The following EYS variants were observed in gnomAD, a reference collection of about 807,000 sequenced individuals.
EYS encodes protein eyes shut homolog.
EYS carries 250 observed loss-of-function variants against 282.1 expected under a neutral mutation model. The ratio of observed to expected loss-of-function variants is 0.89; its 90% CI spans 0.80 to 0.98. EYS has a LOEUF of 0.98. Ranked by LOEUF, EYS falls within the 50% of genes least tolerant of loss-of-function variation. EYS has a pLI of 0.00. For synonymous variants in EYS, 1,355 were observed against 1,282.9 expected, an observed-to-expected ratio of 1.06 and a Z score of -1.20; for missense variants, 4,016 against 3,709.0, an observed-to-expected ratio of 1.08 and a Z score of -2.15.
At chr6:65,203,404 T>A (rs1388996381) in intron 12 of EYS, among the ~76,000 whole-genome samples, 1 of 152,042 alleles carries the variant, frequency 6.6e-6, no homozygotes, top group Non-Finnish European at 1.5e-5. Context: ...ATACACAGCA[T>A]ATTGCTACCA....
intron 12 of EYS, among the ~76,000 whole-genome samples, chr6:65,204,835 C>T (rs945357015): frequency 1.3e-4 from 19 of 149,244 alleles, no homozygotes; most frequent in Non-Finnish European, 1.8e-4. Flanking sequence ...TCTGGAAGAA[C>T]GTATTTATAT....
At chr6:65,205,094 A>G (rs913113672) in intron 12 of EYS, among the ~76,000 whole-genome samples, 1 of 146,490 alleles carries the variant, frequency 6.8e-6, no homozygotes, top group Non-Finnish European at 1.5e-5. Context: ...TATATTCTTT[A>G]TATATTCTAG....
chr6:65,392,306 C>A (rs368598786), intron 7 of EYS, among the ~76,000 whole-genome samples: 9 of 151,766 alleles, frequency 5.9e-5, no homozygotes, highest in Non-Finnish European at 1.0e-4. Context: ...GCAACAAAAG[C>A]CAAAATTGAC....
At chr6:63,770,406 A>T (rs187897070) in intron 40 of EYS, among the ~76,000 whole-genome samples, 198 of 152,254 alleles carry the variant, frequency 1.3e-3, no homozygotes, top group Non-Finnish European at 2.4e-3. Context: ...TCTGTAAAAA[A>T]GTTCTGGTTA....
At chr6:64,274,225 G>A (rs1349522764) in intron 30 of EYS, among the ~76,000 whole-genome samples, 1 of 152,188 alleles carries the variant, frequency 6.6e-6, no homozygotes, top group Non-Finnish European at 1.5e-5. Context: ...TGACCTGCCT[G>A]AGTGCAGTAG....
chr6:63,819,571 C>A (rs559563105), intron 36 of EYS, among the ~76,000 whole-genome samples: 1 of 152,246 alleles, frequency 6.6e-6, no homozygotes, highest in East Asian at 1.9e-4. Flanking sequence ...GTGCTGTTAC[C>A]CTGAAGGTTG....
intron 34 of EYS, among the ~76,000 whole-genome samples, chr6:63,989,330 T>C (rs902138372): frequency 1.3e-5 from 2 of 151,660 alleles, no homozygotes; most frequent in African/African-American, 4.8e-5. Flanking sequence ...TTGGATAAAG[T>C]GTTTCAGAAG....
At position 64,986,715 on chromosome 6, in the gene EYS, T is replaced by C. The variant is rs973344311; in HGVS notation, c.2259+10867A>G. Among the ~76,000 whole-genome samples the C allele has an allele frequency of 2.1e-5, 3 of 143,168 alleles. No homozygotes were observed. In the East Asian group the frequency reaches 6.4e-4, roughly 30 times the overall value. 93.9% of individuals were successfully genotyped at this position (143,168 alleles called of 152,430 possible). A position where few individuals can be genotyped will look rare whatever the true frequency, so the allele number is the denominator to read the frequency against. On this transcript the variant is annotated intron_variant, in intron 14 of 42. Transcript: ENST00000503581. ...TAAAGTTAAAATGTTTTGCACATTA[T>C]ATTTCTTCACCATTTCATACTATTA...
intron 2 of EYS, among the ~76,000 whole-genome samples, chr6:65,570,346 A>G (rs1049860528): frequency 2.0e-5 from 3 of 152,212 alleles, no homozygotes; most frequent in African/African-American, 7.2e-5. Flanking sequence ...AATTATGCTT[A>G]GCAAATAGGT....
rs1253683113 is a variant in EYS, at chr6:64,049,568, C to G, written c.6725+16770G>C. ...GCATTAGAAACTAAAGGTGTTTAAG[C>G]CCAGATGAGTGGTCTCTGGTGGCTT... On this transcript the variant is annotated intron_variant, in intron 33 of 42. Coordinates refer to ENST00000503581, the MANE Select transcript of EYS (RefSeq NM_001142800.2). Among the ~76,000 whole-genome samples, 26 of 152,094 alleles carry G rather than the reference C, an allele frequency of 1.7e-4. 1 individual carries two copies. The highest frequency in any genetic ancestry group is 1.6e-3 in the Admixed American group (25 of 15,256).
At chr6:64,377,381 T>G (rs2150417645) in intron 29 of EYS, among the ~76,000 whole-genome samples, 1 of 152,300 alleles carries the variant, frequency 6.6e-6, no homozygotes, top group East Asian at 1.9e-4. Flanking sequence ...AACAATGGTT[T>G]GGGTAAAAGG....
At chr6:65,678,146 T>C (rs1768690257) in intron 1 of EYS, among the ~76,000 whole-genome samples, 1 of 151,954 alleles carries the variant, frequency 6.6e-6, no homozygotes, top group South Asian at 2.1e-4. Context: ...AGCAAGGGGA[T>C]GTGGGGTACC....
At chr6:65,180,304 A>G (rs975094261) in intron 12 of EYS, among the ~76,000 whole-genome samples, 1 of 151,842 alleles carries the variant, frequency 6.6e-6, no homozygotes, top group Admixed American at 6.6e-5. Context: ...TATCTAGAAA[A>G]CCCCATGGTC....
chr6:64,324,221 C>T (rs767651090), intron 29 of EYS, among the ~76,000 whole-genome samples: 5 of 152,142 alleles, frequency 3.3e-5, no homozygotes, highest in Non-Finnish European at 5.9e-5. Flanking sequence ...AACATAGAAG[C>T]AAGAATTCTT....
intron 26 of EYS, among the ~76,000 whole-genome samples, chr6:64,452,924 A>C (rs912514815): frequency 6.6e-6 from 1 of 152,334 alleles, no homozygotes; most frequent in Middle Eastern, 3.4e-3. Flanking sequence ...AAACCTAGGC[A>C]ATACCATTCA....
intron 31 of EYS, among the ~76,000 whole-genome samples, chr6:64,149,451 G>T (rs1473585600): frequency 6.6e-6 from 1 of 152,116 alleles, no homozygotes; most frequent in Non-Finnish European, 1.5e-5. Context: ...AAGTGCTGCA[G>T]GAAAGTTAAA....
chr6:64,388,749 G>C lies in EYS; in HGVS notation c.6019C>G (p.Leu2007Val), dbSNP rs1254622347. Residue 2007 changes from leucine to valine, a missense_variant, in exon 29 of 43, where the codon CTG becomes GTG. Physicochemically the swap from Leu to Val is conservative, Grantham distance 32. Transcript: ENST00000503581. The part of the protein sequence containing the change: ...ESINHVLGKP[L>V]PKSGSVFIGG... ...ATGAAGACAGATCCTGATTTTGGCA[G>C]GGGTTTTCCGAGTACATGATTGATA... The C allele has an allele frequency of 6.5e-7, 1 of 1,545,192 alleles. No individual in the cohort carries two copies. Among genetic ancestry groups the C allele is most frequent in the Non-Finnish European group, 8.7e-7 (1 of 1,143,882 alleles).
At chr6:64,033,151 T>C (rs1257063890) in intron 33 of EYS, among the ~76,000 whole-genome samples, 1 of 152,238 alleles carries the variant, frequency 6.6e-6, no homozygotes, top group Non-Finnish European at 1.5e-5. Context: ...GCTGTCTATA[T>C]GTCTACTCTG....
chr6:63,840,084 G>A (rs953736342), intron 36 of EYS, among the ~76,000 whole-genome samples: 1 of 125,952 alleles, frequency 7.9e-6, no homozygotes, highest in Admixed American at 9.1e-5. Context: ...GTCTCGCTTT[G>A]TTGCCCAGGA....
Sources: allele counts gnomAD v4.1 joint callset (sites outside exome capture counted in the v4.1 genomes callset), GRCh38; gene constraint gnomAD v4.1.1; transcripts MANE v1.5; gene names NCBI Gene and HGNC (gene_info 2026-07-23, HGNC 2026-07-21).